The following C2CD3 variants were observed in gnomAD, a reference collection of about 807,000 sequenced individuals.
C2CD3 encodes C2 domain containing 3 centriole elongation regulator, also known as C2 domain-containing protein 3.
In C2CD3, 148 loss-of-function variants were observed where a neutral mutation model predicts 234.0. That is an observed-to-expected ratio of 0.63 (90% CI 0.55 to 0.72). The LOEUF is 0.72. C2CD3 is among the 30% of genes least tolerant of loss of function. The probability of loss-of-function intolerance (pLI) is 0.00; values close to 1 mark genes in which losing one functional copy is unlikely to be tolerated. For missense variants in C2CD3, 2,577 were observed against 2,811.5 expected, an observed-to-expected ratio of 0.92 and a Z score of 1.89; for synonymous variants, 1,000 against 1,035.4, an observed-to-expected ratio of 0.97 and a Z score of 0.66.
At chr11:74,112,735 A>G (rs1956788634) in intron 11 of C2CD3, among the ~76,000 whole-genome samples, 1 of 152,254 alleles carries the variant, frequency 6.6e-6, no homozygotes, top group Admixed American at 6.5e-5. Flanking sequence ...ATGCAAATCA[A>G]AATCAATGTG....
intron 29 of C2CD3, among the ~76,000 whole-genome samples, chr11:74,039,967 T>A (rs903366385): frequency 6.6e-6 from 1 of 152,180 alleles, no homozygotes; most frequent in Admixed American, 6.5e-5. Flanking sequence ...AAGATAAGAA[T>A]CTGAACATAT....
In C2CD3 at chr11:74,114,977, C is replaced by T. The variant is rs990982964; in HGVS notation, c.1521-384G>A. 2.0e-5 allele frequency among the ~76,000 whole-genome samples: 3 copies of T among 152,022 alleles called. No homozygotes were observed. In the East Asian group the frequency reaches 5.8e-4, roughly 29 times the overall value. ...TCAGCCTCCCAAAGTGCTGGGATTA[C>T]AGGTGTGAACAACCACACCCAGCCA... On this transcript the variant is annotated intron_variant, in intron 9 of 32. Transcript: ENST00000334126.
At chr11:74,101,429 G>A (rs1956311735) in intron 14 of C2CD3, among the ~76,000 whole-genome samples, 1 of 152,170 alleles carries the variant, frequency 6.6e-6, no homozygotes, top group African/African-American at 2.4e-5. Flanking sequence ...ATTAGAAAAG[G>A]GATGATGAGA....
chr11:74,057,854 A>G (rs1028352043), intron 24 of C2CD3, among the ~76,000 whole-genome samples: 3 of 152,094 alleles, frequency 2.0e-5, no homozygotes, highest in Non-Finnish European at 4.4e-5. Flanking sequence ...AGTCCCAGCT[A>G]CTCAGGAGGT....
rs1484897957 is a variant in C2CD3 at position 74,170,689 on chromosome 11, A to G, written c.55+49T>C. 4.3e-6 allele frequency: 7 copies of G among 1,610,230 alleles called. No homozygotes were observed. In the African/African-American group the frequency reaches 9.4e-5, roughly 22 times the overall value. ...TGCGGGTCTCCCTAAAATTCCTTAC[A>G]CCCTGCTCTCCTATTACGCTTTCCT... On this transcript the variant is annotated intron_variant, in intron 1 of 32. Coordinates refer to ENST00000334126, the MANE Select transcript of C2CD3 (RefSeq NM_001286577.2).
rs773882554 is a variant in C2CD3, at chr11:74,106,366, C to T, written c.2085+5G>A. 46 of 1,613,832 alleles carry T rather than the reference C, an allele frequency of 2.9e-5. No homozygotes were observed. The highest frequency in any genetic ancestry group is 1.4e-4 in the South Asian group (13 of 91,032). ...TTCTGACTTCCTGAATGTATATCTACATACCTTGAGGGGGCCAAATGGAGA... is the reference window on the plus strand; with the variant it reads ...TTCTGACTTCCTGAATGTATATCTATATACCTTGAGGGGGCCAAATGGAGA... On this transcript the variant is annotated splice_donor_5th_base_variant and intron_variant, in intron 13 of 32. Coordinates refer to ENST00000334126, the MANE Select transcript of C2CD3 (RefSeq NM_001286577.2).
intron 3 of C2CD3, among the ~76,000 whole-genome samples, chr11:74,153,310 T>C (rs1855799028): frequency 6.6e-6 from 1 of 152,184 alleles, no homozygotes; most frequent in African/African-American, 2.4e-5. Flanking sequence ...GAAGGAAGAA[T>C]ATCTGTTCTC....
chr11:74,066,878 A>G (rs544949755), intron 24 of C2CD3, among the ~76,000 whole-genome samples: 2 of 152,324 alleles, frequency 1.3e-5, no homozygotes, highest in East Asian at 3.9e-4. Flanking sequence ...TTAAACTCAG[A>G]GAAGAGTAAA....
At chr11:74,152,980 C>G (rs529121983) in intron 3 of C2CD3, among the ~76,000 whole-genome samples, 36 of 152,262 alleles carry the variant, frequency 2.4e-4, no homozygotes, top group African/African-American at 8.4e-4. Context: ...AATTCCAGCA[C>G]TTTGAGAGAC....
intron 14 of C2CD3, among the ~76,000 whole-genome samples, chr11:74,102,049 G>C (rs774323534): frequency 6.6e-6 from 1 of 152,208 alleles, no homozygotes; most frequent in Non-Finnish European, 1.5e-5. Context: ...TTTGGAAGGA[G>C]GGTGAAGGTT....
chr11:74,112,296 T>A (rs962494940), intron 11 of C2CD3, among the ~76,000 whole-genome samples: 28 of 152,126 alleles, frequency 1.8e-4, no homozygotes, highest in Non-Finnish European at 3.2e-4. Context: ...GGCAAAGCTA[T>A]CCTCAGAATA....
At chr11:74,059,004 C>G (rs570054838) in intron 24 of C2CD3, among the ~76,000 whole-genome samples, 1 of 152,090 alleles carries the variant, frequency 6.6e-6, no homozygotes, top group South Asian at 2.1e-4. Flanking sequence ...AGACACTTTA[C>G]AAAATATAGA....
At chr11:74,024,969 A>G (rs1164647002) in intron 32 of C2CD3, among the ~76,000 whole-genome samples, 1 of 152,216 alleles carries the variant, frequency 6.6e-6, no homozygotes, top group Admixed American at 6.5e-5. Context: ...TTCTAAGGAC[A>G]TAAGTGGCTC....
rs1476781797 is a variant in C2CD3, at chr11:74,106,432, G to A, written c.2024C>T (p.Ser675Phe). ...TTGCACTGGAAGCTGATCACTGAAAGAAAGCAGCTCTGATTGAATGACAGC... is the reference window on the plus strand; with the variant it reads ...TTGCACTGGAAGCTGATCACTGAAAAAAAGCAGCTCTGATTGAATGACAGC... ...LRAVIQSELLSFSDQLPVQQE... is the reference protein window; with the variant it reads ...LRAVIQSELLFFSDQLPVQQE... The change falls in exon 13 of 33, where the codon TCT becomes TTT. Residue 675 changes from serine to phenylalanine, a missense_variant. Coordinates refer to ENST00000334126, the MANE Select transcript of C2CD3 (RefSeq NM_001286577.2). 2 of 1,613,958 alleles carry A rather than the reference G, an allele frequency of 1.2e-6. No homozygotes were observed. The highest frequency in any genetic ancestry group is 1.7e-6 in the Non-Finnish European group (2 of 1,179,952).
intron 22 of C2CD3, 57 bp from the exon 23 acceptor site, chr11:74,078,774 G>C (rs1270306689): frequency 6.8e-7 from 1 of 1,472,136 alleles, no homozygotes; most frequent in Non-Finnish European, 9.1e-7. Context: ...CAAAAAACAA[G>C]TTACTTACTC....
Position 74,013,016 on chromosome 11 carries a change from T to G in C2CD3, c.*369A>C, listed in dbSNP as rs1951747027. On this transcript the variant is annotated 3_prime_UTR_variant, in exon 33 of 33. Coordinates refer to ENST00000334126, the MANE Select transcript of C2CD3 (RefSeq NM_001286577.2). ...TCCTCCCCAACTTTTAAGGCAAAAATGGTCCTGCATCTTCAGGCAGAGGGT... is the reference window on the plus strand; with the variant it reads ...TCCTCCCCAACTTTTAAGGCAAAAAGGGTCCTGCATCTTCAGGCAGAGGGT... 2 of 158,234 alleles carry G rather than the reference T, an allele frequency of 1.3e-5. No homozygotes were observed. The highest frequency in any genetic ancestry group is 4.8e-5 in the African/African-American group (2 of 41,738). The allele number at this position is 158,234 out of a possible 1,614,324, so 9.8% of individuals were successfully genotyped here.
chr11:74,091,062 G>C, intron 19 of C2CD3, 126 bp from the exon 20 acceptor site: 1 of 860,362 alleles, frequency 1.2e-6, no homozygotes, highest in Non-Finnish European at 1.8e-6. Flanking sequence ...GGCAATGAGA[G>C]AATCTGTCCT....
At chr11:74,034,318 C>T (rs573571428) in intron 30 of C2CD3, 40 bp from the exon 31 acceptor site, 9 of 1,501,566 alleles carry the variant, frequency 6.0e-6, no homozygotes, top group Non-Finnish European at 8.0e-6. Flanking sequence ...CAAGGTAGGG[C>T]CACAGACCCC....
At chr11:74,042,315 T>C in intron 28 of C2CD3, 97 bp from the exon 29 acceptor site, 1 of 1,257,342 alleles carries the variant, frequency 8.0e-7, no homozygotes. Context: ...TATCCTGAAA[T>C]GGAATGCAAA....
Sources: allele counts gnomAD v4.1 joint callset (sites outside exome capture counted in the v4.1 genomes callset), GRCh38; gene constraint gnomAD v4.1.1; transcripts MANE v1.5; gene names NCBI Gene and HGNC (gene_info 2026-07-23, HGNC 2026-07-21).